NCAPH: variants seen among roughly 807,000 people sequenced by gnomAD.
NCAPH encodes condensin complex subunit 2.
In NCAPH, 38 loss-of-function variants were observed where a neutral mutation model predicts 85.5. That is an observed-to-expected ratio of 0.44 (90% CI 0.34 to 0.58). NCAPH has a LOEUF of 0.58. Ranked by LOEUF, NCAPH falls within the 20% of genes least tolerant of loss-of-function variation. The pLI is 0.01. For missense variants in NCAPH, 789 were observed against 916.6 expected (o/e 0.86, Z 1.80); for synonymous variants, 301 against 335.1 (o/e 0.90, Z 1.11).
At chr2:96,337,429 GT>G (rs554498804) in intron 1 of NCAPH, among the ~76,000 whole-genome samples, 3 of 151,656 alleles carry the variant, frequency 2.0e-5, no homozygotes, top group Non-Finnish European at 4.4e-5. Context: ...TTTGTTTTTT[GT>G]TTTTTTTGAG....
At chr2:96,358,237 C>T (rs1006340330) in intron 9 of NCAPH, among the ~76,000 whole-genome samples, 2 of 152,128 alleles carry the variant, frequency 1.3e-5, no homozygotes, top group Non-Finnish European at 2.9e-5. Flanking sequence ...AGGGGAGCCC[C>T]CAAAGCGTTA....
chr2:96,359,539 G>T, intron 10 of NCAPH: 1 of 286,124 alleles, frequency 3.5e-6, no homozygotes, highest in Non-Finnish European at 6.6e-6. Flanking sequence ...GCACATGTTG[G>T]CATTCTGTAG....
At chr2:96,341,981 G>A (rs2064302303) in intron 2 of NCAPH, 69 bp from the exon 3 acceptor site, 1 of 1,605,582 alleles carries the variant, frequency 6.2e-7, no homozygotes, top group Middle Eastern at 1.7e-4. Flanking sequence ...AACTTCATGG[G>A]TCTAGGTTTT....
At chr2:96,365,189 T>C (rs1007354386) in intron 13 of NCAPH, among the ~76,000 whole-genome samples, 2 of 152,102 alleles carry the variant, frequency 1.3e-5, no homozygotes, top group Admixed American at 1.3e-4. Flanking sequence ...ACTGGAAAAA[T>C]AGGCTTCATC....
intron 8 of NCAPH, 134 bp from the exon 9 acceptor site, chr2:96,354,049 G>A: frequency 3.6e-6 from 3 of 836,408 alleles, no homozygotes; most frequent in Non-Finnish European, 5.9e-6. Flanking sequence ...GGCAGGGGAT[G>A]GGAAAGGGAA....
At chr2:96,351,268 G>T (rs949588116) in intron 6 of NCAPH, among the ~76,000 whole-genome samples, 5 of 152,214 alleles carry the variant, frequency 3.3e-5, no homozygotes, top group Admixed American at 1.3e-4. Context: ...AAAGCCATTT[G>T]ACACAGTGTA....
In NCAPH at chr2:96,367,369, C is replaced by G; in HGVS notation, c.1994C>G (p.Ala665Gly). The change falls in exon 15 of 18, where the codon GCA (alanine) becomes GGA (glycine). Residue 665 changes from alanine (A) to glycine (G), a missense_variant. By Grantham distance (60) the Ala-to-Gly change is moderately conservative. Transcript: ENST00000240423. ...LTALSGKEAD[A>G]EANHREAGKE... Reference sequence around the variant, plus strand: ...GCGCTCTCCGGAAAGGAGGCAGATGCAGAGGTCAGATGCTCTTGCCTGTTC... The same window carrying G: ...GCGCTCTCCGGAAAGGAGGCAGATGGAGAGGTCAGATGCTCTTGCCTGTTC... 1 of 1,609,644 alleles carries G rather than the reference C, an allele frequency of 6.2e-7. No individual in the cohort carries two copies. The highest frequency in any genetic ancestry group is 8.5e-7 in the Non-Finnish European group (1 of 1,176,208).
chr2:96,366,180 C>T, intron 14 of NCAPH, 122 bp downstream of exon 14: 1 of 1,143,598 alleles, frequency 8.7e-7, no homozygotes, highest in Non-Finnish European at 1.2e-6. Flanking sequence ...TGTTGCTCTC[C>T]AAGTTTTAAA....
rs1228680099 is a variant in NCAPH at position 96,359,182 on chromosome 2, C to G, written c.1346C>G (p.Pro449Arg). ...WAGPDHWRFR[P>R]RRKQDAPSQS... Reference sequence around the variant, plus strand: ...GGCCCGGATCACTGGCGCTTTAGGCCTCGACGCAAACGTATGTAATTCTAG... The same window carrying G: ...GGCCCGGATCACTGGCGCTTTAGGCGTCGACGCAAACGTATGTAATTCTAG... Residue 449 changes from proline to arginine, a missense_variant, in exon 10 of 18, where the codon CCT becomes CGT. Physicochemically the swap from Pro to Arg is moderately radical, Grantham distance 103. Coordinates refer to ENST00000240423, the MANE Select transcript of NCAPH (RefSeq NM_015341.5). 5 of 1,614,098 alleles carry G rather than the reference C, an allele frequency of 3.1e-6. No individual in the cohort carries two copies. The highest frequency in any genetic ancestry group is 3.4e-6 in the Non-Finnish European group (4 of 1,180,002).
At chr2:96,341,279 C>T (rs2064291191) in intron 1 of NCAPH, 1 of 192,808 alleles carries the variant, frequency 5.2e-6, no homozygotes, top group Non-Finnish European at 1.1e-5. Context: ...CTTGTCTCAG[C>T]ATCTGTCTCT....
At chr2:96,365,348 A>G (rs1321683435) in intron 13 of NCAPH, among the ~76,000 whole-genome samples, 2 of 152,120 alleles carry the variant, frequency 1.3e-5, no homozygotes, top group East Asian at 1.9e-4. Context: ...TAACTTACAT[A>G]CAAATCACCC....
intron 5 of NCAPH, 152 bp from the exon 6 acceptor site, chr2:96,343,953 C>T: frequency 2.2e-6 from 2 of 920,852 alleles, no homozygotes; most frequent in Non-Finnish European, 3.2e-6. Context: ...CCGTCTGCCT[C>T]AGCCTCCCAA....
chr2:96,366,935 C>T (rs966830669), intron 14 of NCAPH, among the ~76,000 whole-genome samples: 12 of 144,302 alleles, frequency 8.3e-5, no homozygotes, highest in African/African-American at 3.1e-4. Context: ...TGGTGAAATA[C>T]CATCTCTACT....
intron 9 of NCAPH, among the ~76,000 whole-genome samples, chr2:96,357,893 TTACCTTCAGAGGGCAGTAC>T (rs1425212557): frequency 6.6e-6 from 1 of 152,196 alleles, no homozygotes; most frequent in Non-Finnish European, 1.5e-5. Flanking sequence ...CTTGGTTACC[TTACCTTCAGAGGGCAGTAC>T]AGCAGCACCA....
intron 1 of NCAPH, among the ~76,000 whole-genome samples, chr2:96,337,887 T>C (rs866540120): frequency 3.3e-5 from 5 of 151,568 alleles, no homozygotes; most frequent in Non-Finnish European, 7.4e-5. Context: ...CAATACCACC[T>C]ATATCTTTCT....
At chr2:96,348,751 G>A (rs1400687057) in intron 6 of NCAPH, among the ~76,000 whole-genome samples, 1 of 151,938 alleles carries the variant, frequency 6.6e-6, no homozygotes, top group East Asian at 1.9e-4. Flanking sequence ...TGTCTCCCCG[G>A]TTCAAACGAT....
intron 5 of NCAPH, 85 bp downstream of exon 5, chr2:96,343,389 C>A (rs751226905): frequency 3.1e-5 from 45 of 1,444,594 alleles, no homozygotes; most frequent in Admixed American, 1.0e-4. Flanking sequence ...AAGAAGGTCA[C>A]AAGAAATAAG....
At chr2:96,361,831 T>A (rs1409252318) in intron 12 of NCAPH, among the ~76,000 whole-genome samples, 2,337 of 82,820 alleles carry the variant, frequency 0.028, 38 homozygotes, top group South Asian at 0.17. Flanking sequence ...TATATATATT[T>A]TTTTTTTTTT....
chr2:96,345,018 T>G (rs1009442310), intron 6 of NCAPH, among the ~76,000 whole-genome samples: 1 of 152,156 alleles, frequency 6.6e-6, no homozygotes, highest in African/African-American at 2.4e-5. Context: ...CTCCACAACA[T>G]TCATAAATGG....
Sources: gnomAD v4.1 joint callset for allele counts (sites outside exome capture counted in the v4.1 genomes callset) on GRCh38, gnomAD v4.1.1 for gene constraint, MANE v1.5 for transcripts, NCBI Gene and HGNC (gene_info 2026-07-23, HGNC 2026-07-21) for gene names.